Variants in IKZF4 observed in about 807,000 individuals in gnomAD.
The protein encoded by IKZF4 is zinc finger protein Eos.
Under a neutral mutation model 47.7 loss-of-function variants are expected in IKZF4, and 11 were observed. The observed-to-expected ratio is 0.23, with a 90% CI of 0.15 to 0.38. The LOEUF (loss-of-function observed/expected upper bound fraction) is 0.38, where lower values mean the gene tolerates loss of function less well. Among genes scored for constraint, IKZF4 ranks in the 10% least tolerant of loss-of-function variants. The pLI, the probability that IKZF4 is intolerant of heterozygous loss-of-function variation, is 1.00. For missense variants in IKZF4, 557 were observed against 784.9 expected (o/e 0.71, Z 3.47); for synonymous variants, 298 against 299.4 (o/e 1.00, Z 0.05).
chr12:56,011,329 A>C (rs1291910312), intron 1 of IKZF4: 2 of 152,154 alleles, frequency 1.3e-5, no homozygotes, highest in Non-Finnish European at 1.5e-5. Flanking sequence ...CCTTTTCCTT[A>C]GTTCCTTATG....
intron 1 of IKZF4, among the ~76,000 whole-genome samples, chr12:56,009,692 T>G (rs1283942141): frequency 1.3e-5 from 2 of 152,218 alleles, no homozygotes. Context: ...GAATTATACC[T>G]TGCCCTAGTC....
chr12:56,034,856 T>C lies in IKZF4; in HGVS notation c.1283T>C (p.Leu428Pro), dbSNP rs1222272516. 6.2e-7 allele frequency: 1 copy of C among 1,613,102 alleles called. No individual in the cohort carries two copies. The highest frequency in any genetic ancestry group is 1.1e-5 in the South Asian group (1 of 91,000). The change falls in exon 8 of 8, where the codon CTG becomes CCG. Residue 428 changes from leucine (L) to proline (P), a missense_variant. Coordinates refer to ENST00000547167, the MANE Select transcript of IKZF4 (RefSeq NM_022465.4). ...GAAGCAGGTGAGGGACCTGAGGACCTGGCTGATGGAGGTCCCCTCCTCTAC... is the reference window on the plus strand; with the variant it reads ...GAAGCAGGTGAGGGACCTGAGGACCCGGCTGATGGAGGTCCCCTCCTCTAC... ...SREAGEGPEDLADGGPLLYRP... is the reference protein window; with the variant it reads ...SREAGEGPEDPADGGPLLYRP...
rs1416390554 is a variant in IKZF4, at chr12:56,035,771, C to T, written c.*440C>T. 6.2e-6 allele frequency: 1 copy of T among 160,752 alleles called. No individual in the cohort carries two copies. Among genetic ancestry groups the T allele is most frequent in the African/African-American group, 2.4e-5 (1 of 41,458 alleles). 10.0% of individuals were successfully genotyped at this position (160,752 alleles called of 1,614,324 possible). On this transcript the variant is annotated 3_prime_UTR_variant, in exon 8 of 8. Transcript: ENST00000547167. This position sits in a 1 kb window ranked among gnomAD's most constrained non-coding sequence, Gnocchi z 6.1. The stretch of plus-strand genomic sequence containing the variant: ...AGACTTCAAGCTTCTTGCTTTAAGT[C>T]CTCACCCTTTACATTATCTAATTCT...
At chr12:56,030,063 A>C (rs1894658247) in intron 5 of IKZF4, among the ~76,000 whole-genome samples, 1 of 152,154 alleles carries the variant, frequency 6.6e-6, no homozygotes, top group African/African-American at 2.4e-5. Context: ...TATTATAAGA[A>C]AAAAGAGACT....
At chr12:56,024,355 T>A (rs772178612) in intron 2 of IKZF4, among the ~76,000 whole-genome samples, 33 of 152,226 alleles carry the variant, frequency 2.2e-4, no homozygotes, top group Admixed American at 8.5e-4. Context: ...GACCACCAAT[T>A]GGCTGTGTAG....
In IKZF4 at chr12:56,026,881, A is replaced by G. The variant is rs1015139667; in HGVS notation, c.387A>G (p.Glu129=). The change falls in exon 4 of 8, where the codon GAA becomes GAG. Residue 129 remains glutamate, a synonymous_variant. Coordinates refer to ENST00000547167, the MANE Select transcript of IKZF4 (RefSeq NM_022465.4). ...LLEKDDSVIV[E]DSLSEPLGYC... is the part of the protein sequence containing the mutation. The stretch of plus-strand genomic sequence containing the variant: ...AAAAGGACGACAGCGTGATTGTGGA[A>G]GATTCATTGTCTGAGCCCCTGGGCT... 1.5e-5 allele frequency: 24 copies of G among 1,613,358 alleles called. No homozygotes were observed. The highest frequency in any genetic ancestry group is 1.9e-5 in the Non-Finnish European group (23 of 1,179,700).
chr12:56,013,732 G>A (rs1160218312), intron 2 of IKZF4, among the ~76,000 whole-genome samples: 3 of 152,158 alleles, frequency 2.0e-5, no homozygotes, highest in Non-Finnish European at 4.4e-5. Flanking sequence ...GTGCTGCAGG[G>A]AGACTTGAGC....
intron 7 of IKZF4, among the ~76,000 whole-genome samples, 159 bp from the exon 8 acceptor site, chr12:56,034,412 C>T (rs1030431176): frequency 1.3e-5 from 2 of 152,136 alleles, no homozygotes; most frequent in Admixed American, 6.6e-5. Flanking sequence ...AGCCTAGAGT[C>T]AGGGAGCAGT....
chr12:56,011,370 C>T (rs808896), intron 1 of IKZF4: 141,475 of 152,236 alleles, frequency 0.93, 66,599 homozygotes, highest in East Asian at 1. Flanking sequence ...GGGATAGGAT[C>T]GTTTCTTCTC....
chr12:56,010,694 T>C (rs1300657760), intron 1 of IKZF4: 1 of 152,172 alleles, frequency 6.6e-6, no homozygotes, highest in African/African-American at 2.4e-5. Flanking sequence ...TAATGGTAAC[T>C]TGGACTCTAC....
upstream of IKZF4, chr12:56,020,896 G>C (rs899006626): frequency 3.0e-6 from 3 of 984,422 alleles, no homozygotes; most frequent in East Asian, 2.3e-4. Flanking sequence ...CTGCCTCTCT[G>C]AGAGCCTTGA....
chr12:56,026,634 A>G (rs1894052437), intron 3 of IKZF4, 147 bp from the exon 4 acceptor site: 9 of 803,976 alleles, frequency 1.1e-5, no homozygotes, highest in Non-Finnish European at 1.6e-5. Flanking sequence ...GGTTGCGTCG[A>G]GCCAAATTCG....
rs1294730179 is a variant in IKZF4, at chr12:56,035,163, C to T, written c.1590C>T (p.Phe530=). 1 of 1,614,188 alleles carries T rather than the reference C, an allele frequency of 6.2e-7. No individual in the cohort carries two copies. Among genetic ancestry groups the T allele is most frequent in the South Asian group, 1.1e-5 (1 of 91,084 alleles). Residue 530 remains phenylalanine (F), a synonymous_variant, in exon 8 of 8, where the codon TTC becomes TTT. Transcript: ENST00000547167. This position sits in a 1 kb window ranked among gnomAD's most constrained non-coding sequence, Gnocchi z 6.1. The part of the protein sequence containing the change: ...VGESGEPVKA[F]KCEHCRILFL... ...AGAGTGGTGAGCCTGTGAAGGCCTT[C>T]AAGTGTGAGCACTGCCGTATCCTCT... is the stretch of plus-strand genomic sequence containing the variant.
chr12:56,034,493 A>C, intron 7 of IKZF4, 78 bp from the exon 8 acceptor site: 1 of 1,434,346 alleles, frequency 7.0e-7, no homozygotes, highest in Non-Finnish European at 9.4e-7. Context: ...CCCCACAGGT[A>C]AAAAAACAAA....
intron 3 of IKZF4, among the ~76,000 whole-genome samples, chr12:56,025,610 G>A (rs984850048): frequency 7.2e-5 from 11 of 152,056 alleles, no homozygotes; most frequent in South Asian, 2.1e-4. Flanking sequence ...AATGTAGGTC[G>A]GAGCTAGAGC....
Position 56,021,278 on chromosome 12 carries a change from T to TCC in IKZF4, c.-215_-214insCC. On this transcript the variant is annotated 5_prime_UTR_variant, in exon 1 of 8. Coordinates refer to ENST00000547167, the MANE Select transcript of IKZF4 (RefSeq NM_022465.4). ...GCTCTCCCCTCTCCTTCTCTCCCTC[T>TCC]CTCTCTCTCTCTCTCTCACACACAC... is the stretch of plus-strand genomic sequence containing the variant. The TCC allele has an allele frequency of 1.6e-6, 2 of 1,266,080 alleles. No homozygotes were observed. Among genetic ancestry groups the TCC allele is most frequent in the Non-Finnish European group, 2.0e-6 (2 of 981,560 alleles). 78.4% of individuals were successfully genotyped at this position (1,266,080 alleles called of 1,614,324 possible). A position where few individuals can be genotyped will look rare whatever the true frequency, so the allele number is the denominator to read the frequency against.
At chr12:56,012,158 T>C (rs1000732267) in intron 2 of IKZF4, among the ~76,000 whole-genome samples, 2 of 152,058 alleles carry the variant, frequency 1.3e-5, no homozygotes, top group African/African-American at 4.8e-5. Flanking sequence ...TTGGGAATAA[T>C]AACAAAAACA....
chr12:56,032,796 C>G, intron 6 of IKZF4, 86 bp downstream of exon 6: 3 of 1,384,240 alleles, frequency 2.2e-6, no homozygotes, highest in East Asian at 4.6e-5. Context: ...ATCTCCCACA[C>G]TGAGGGATGA....
chr12:56,034,253 T>C (rs1895377111), intron 7 of IKZF4, among the ~76,000 whole-genome samples: 1 of 152,126 alleles, frequency 6.6e-6, no homozygotes, highest in Non-Finnish European at 1.5e-5. Flanking sequence ...TGTGGGCCCT[T>C]AGAGAGTCAG....
Sources: allele counts gnomAD v4.1 joint callset (sites outside exome capture counted in the v4.1 genomes callset), GRCh38; gene constraint gnomAD v4.1.1; non-coding constraint Gnocchi (gnomAD v3.1); transcripts MANE v1.5; gene names NCBI Gene and HGNC (gene_info 2026-07-23, HGNC 2026-07-21).